Variants in FCN2 observed in about 807,000 individuals in gnomAD.
The protein encoded by FCN2 is ficolin 2.
In FCN2, 31 loss-of-function variants were observed where a neutral mutation model predicts 32.5. The observed-to-expected ratio is 0.96, with a 90% confidence interval of 0.72 to 1.29. FCN2 has a LOEUF of 1.29. Among genes scored for constraint, FCN2 ranks in the 50% most tolerant of loss-of-function variants. FCN2 has a pLI of 0.00. For missense variants in FCN2, 412 were observed against 406.5 expected (o/e 1.01, Z -0.12); for synonymous variants, 181 against 164.5 (o/e 1.10, Z -0.77).
rs988059628 is a variant in FCN2, at chr9:134,887,461, G to A, written c.*46G>A. 6.3e-7 allele frequency: 1 copy of A among 1,596,012 alleles called. No homozygotes were observed. The highest frequency in any genetic ancestry group is 8.6e-7 in the Non-Finnish European group (1 of 1,165,350). On this transcript the variant is annotated 3_prime_UTR_variant, in exon 8 of 8. Transcript: ENST00000291744. ...AGGACGCCTCCACACATAGTTGGTT[G>A]GGGGGTAGGGTTGGGAGCTTGGCCC...
At chr9:134,884,650 GC>G in intron 3 of FCN2, 89 bp from the exon 4 acceptor site, 1 of 1,302,572 alleles carries the variant, frequency 7.7e-7, no homozygotes. Context: ...TCCTGGGGAG[GC>G]CCAGAAAATG....
the FCN2 span, among the ~76,000 whole-genome samples, chr9:134,870,264 C>A: frequency 6.6e-6 from 1 of 152,224 alleles, no homozygotes; most frequent in East Asian, 1.9e-4. This position sits in a 1 kb window ranked among gnomAD's most constrained non-coding sequence, Gnocchi z 4.3. Context: ...GCAGGTCTCG[C>A]AGCCCCACGG....
the FCN2 span, among the ~76,000 whole-genome samples, chr9:134,869,099 G>A: frequency 6.6e-6 from 1 of 152,174 alleles, no homozygotes; most frequent in East Asian, 1.9e-4. Context: ...TGCACTCAGA[G>A]CCACCTGACC....
intron 6 of FCN2, 94 bp downstream of exon 6, chr9:134,885,991 G>C (rs1236691759): frequency 3.0e-6 from 4 of 1,328,292 alleles, no homozygotes; most frequent in African/African-American, 2.9e-5. Flanking sequence ...AGAGCCTCTT[G>C]GCCCACAGGG....
At chr9:134,873,403 A>C in the FCN2 span, among the ~76,000 whole-genome samples, 3 of 152,088 alleles carry the variant, frequency 2.0e-5, no homozygotes, top group Non-Finnish European at 4.4e-5. Context: ...GTAACAACTC[A>C]TGGCCCCTCC....
the FCN2 span, among the ~76,000 whole-genome samples, chr9:134,872,589 G>A: frequency 6.6e-6 from 1 of 152,204 alleles, no homozygotes; most frequent in African/African-American, 2.4e-5. Context: ...CATCGCAGAA[G>A]GCAAAGGAGG....
chr9:134,879,852 C>T (rs528238265), upstream of FCN2, among the ~76,000 whole-genome samples: 13 of 152,202 alleles, frequency 8.5e-5, no homozygotes, highest in South Asian at 1.9e-3. Flanking sequence ...TGGCAGGGTG[C>T]GGTGGTGGTA....
chr9:134,868,610 T>C, the FCN2 span: 5 of 152,512 alleles, frequency 3.3e-5, no homozygotes, highest in African/African-American at 4.8e-5. This position sits in a 1 kb window ranked among gnomAD's most constrained non-coding sequence, Gnocchi z 4.3. Context: ...CAGTCCCTTA[T>C]AGGCATGGCC....
chr9:134,885,463 C>G, intron 5 of FCN2, 97 bp downstream of exon 5: 1 of 1,538,742 alleles, frequency 6.5e-7, no homozygotes, highest in Non-Finnish European at 8.8e-7. Context: ...CTCTATTCTC[C>G]TGGTCGGGGA....
Position 134,886,498 on chromosome 9 carries a change from T to C in FCN2, c.628T>C (p.Phe210Leu), listed in dbSNP as rs1210480387. The change falls in exon 7 of 8, where the codon TTC (phenylalanine) becomes CTC (leucine). Residue 210 changes from phenylalanine to leucine, a missense_variant. By Grantham distance (22) the Phe-to-Leu change is conservative. Transcript: ENST00000291744. ...CTACCAGTTTGCTAAGTACAGATCA[T>C]TCAAGGTGGCCGACGAGGCGGAGAA... ...DNYQFAKYRS[F>L]KVADEAEKYN... 1 of 1,614,152 alleles carries C rather than the reference T, an allele frequency of 6.2e-7. No homozygotes were observed. Among genetic ancestry groups the C allele is most frequent in the Non-Finnish European group, 8.5e-7 (1 of 1,180,006 alleles).
rs1392866574 is a variant in FCN2, at chr9:134,885,886, T to C, written c.548T>C (p.Leu183Pro). 6.2e-7 allele frequency: 1 copy of C among 1,612,854 alleles called. No homozygotes were observed. Among genetic ancestry groups the C allele is most frequent in the Non-Finnish European group, 8.5e-7 (1 of 1,179,458 alleles). The change falls in exon 6 of 8, where the codon CTG (leucine) becomes CCG (proline). Residue 183 changes from leucine (L) to proline (P), a missense_variant. By Grantham distance (98) the Leu-to-Pro change is moderately conservative. Transcript: ENST00000291744. The part of the protein sequence containing the change: ...FWLGNDNIHA[L>P]TAQGTSELRV... ...CTGGGGAATGACAACATCCACGCCC[T>C]GACCGCCCAGGGTAGGGCCGCTGCT... is the stretch of plus-strand genomic sequence containing the variant.
chr9:134,882,163 C>T (rs559057974), intron 1 of FCN2, among the ~76,000 whole-genome samples: 8 of 152,348 alleles, frequency 5.3e-5, no homozygotes, highest in Admixed American at 5.2e-4. Flanking sequence ...TGAACCTGCA[C>T]CCCTCGGTAG....
the FCN2 span, among the ~76,000 whole-genome samples, chr9:134,871,362 C>A: frequency 6.6e-6 from 1 of 152,322 alleles, no homozygotes; most frequent in Admixed American, 6.5e-5. Context: ...TCCTCCTTCT[C>A]GACAGTTGGA....
the FCN2 span, among the ~76,000 whole-genome samples, chr9:134,872,452 G>A: frequency 6.6e-6 from 1 of 152,174 alleles, no homozygotes; most frequent in Non-Finnish European, 1.5e-5. Flanking sequence ...ATCCAGGCTT[G>A]GAAATGGCTG....
At chr9:134,883,200 G>A in intron 2 of FCN2, 102 bp from the exon 3 acceptor site, 2 of 991,776 alleles carry the variant, frequency 2.0e-6, no homozygotes, top group Non-Finnish European at 3.3e-6. Flanking sequence ...GCACGAGCAG[G>A]GTCATGGTCA....
intron 1 of FCN2, 149 bp from the exon 2 acceptor site, chr9:134,882,377 A>G: frequency 1.4e-6 from 1 of 699,194 alleles, no homozygotes; most frequent in African/African-American, 1.7e-5. Flanking sequence ...GTGACCCTCC[A>G]GCTGAGGGAG....
At chr9:134,869,406 T>C in the FCN2 span, among the ~76,000 whole-genome samples, 1 of 152,202 alleles carries the variant, frequency 6.6e-6, no homozygotes, top group Non-Finnish European at 1.5e-5. Context: ...TGACAACACC[T>C]GTTTTCCTTC....
upstream of FCN2, among the ~76,000 whole-genome samples, chr9:134,877,448 T>C (rs1438573325): frequency 6.6e-6 from 1 of 152,266 alleles, no homozygotes; most frequent in Non-Finnish European, 1.5e-5. Context: ...GAGGATTTTC[T>C]AGACACCTTT....
At position 134,886,550 on chromosome 9, in the gene FCN2, T is replaced by G; in HGVS notation, c.680T>G (p.Val227Gly). 6.2e-7 allele frequency: 1 copy of G among 1,614,002 alleles called. No homozygotes were observed. Residue 227 changes from valine to glycine, a missense_variant, in exon 7 of 8, where the codon GTG (valine) becomes GGG (glycine). Transcript: ENST00000291744. ...TACAATCTGGTCCTGGGGGCCTTCG[T>G]GGAGGGCAGTGCGGGTGAGTGTCTG... ...EKYNLVLGAFVEGSAGDSLTF... is the reference protein window; with the variant it reads ...EKYNLVLGAFGEGSAGDSLTF...
Sources: gnomAD v4.1 joint callset for allele counts (sites outside exome capture counted in the v4.1 genomes callset) on GRCh38, gnomAD v4.1.1 for gene constraint, Gnocchi (gnomAD v3.1) non-coding constraint, MANE v1.5 for transcripts, NCBI Gene and HGNC (gene_info 2026-07-23, HGNC 2026-07-21) for gene names.